RBFOX1: variants seen among roughly 807,000 people sequenced by gnomAD.
The protein encoded by RBFOX1 is RNA binding fox-1 homolog 1.
RBFOX1 carries 8 observed loss-of-function variants against 57.7 expected under a neutral mutation model. That is an observed-to-expected ratio of 0.14 (90% CI 0.08 to 0.25). RBFOX1 has a LOEUF of 0.25. RBFOX1 is among the 10% of genes least tolerant of loss of function. The pLI is 1.00. For synonymous variants in RBFOX1, 326 were observed against 222.4 expected, an observed-to-expected ratio of 1.47 and a Z score of -4.15; for missense variants, 611 against 548.5, an observed-to-expected ratio of 1.11 and a Z score of -1.14.
chr16:5,547,353 C>A (rs2045253154), intron 2 of RBFOX1, among the ~76,000 whole-genome samples: 1 of 152,192 alleles, frequency 6.6e-6, no homozygotes, highest in South Asian at 2.1e-4. Flanking sequence ...AGAAACCACC[C>A]AAATGTCTAT....
rs78865409 is a variant in RBFOX1, at chr16:6,697,239, G to A, written c.-16+42589G>A. Among the ~76,000 whole-genome samples the A allele has an allele frequency of 8.6e-3, 1,312 of 152,252 alleles. 7 individuals carry two copies. Among genetic ancestry groups the A allele is most frequent in the Non-Finnish European group, 0.014 (949 of 68,024 alleles). On this transcript the variant is annotated intron_variant, in intron 3 of 15. Coordinates refer to ENST00000550418, the MANE Select transcript of RBFOX1 (RefSeq NM_018723.4). ...GGTCACTGTAGTGGTAGCTGCAGTA[G>A]TGGACCAGGTTTTTAAATTTTCTGC...
intron 4 of RBFOX1, among the ~76,000 whole-genome samples, chr16:7,238,497 TC>T (rs2093889322): frequency 6.6e-6 from 1 of 150,532 alleles, no homozygotes; most frequent in Middle Eastern, 3.4e-3. Flanking sequence ...TAGTACTTTT[TC>T]CTAGGTTACT....
intron 3 of RBFOX1, among the ~76,000 whole-genome samples, chr16:7,018,815 C>G (rs539865611): frequency 6.6e-6 from 1 of 151,366 alleles, no homozygotes; most frequent in Non-Finnish European, 1.5e-5. Flanking sequence ...AATACAACGT[C>G]TACAGATTAA....
intron 2 of RBFOX1, among the ~76,000 whole-genome samples, chr16:5,569,579 A>G (rs2046208755): frequency 6.6e-6 from 1 of 150,504 alleles, no homozygotes. Context: ...TACCATCCCC[A>G]TTTCACAGAT....
At chr16:5,868,883 G>A (rs1461055973) in intron 4 of RBFOX1, among the ~76,000 whole-genome samples, 1 of 152,218 alleles carries the variant, frequency 6.6e-6, no homozygotes, top group Non-Finnish European at 1.5e-5. Flanking sequence ...GTGGTTTGCT[G>A]TCACGGGAAT....
At chr16:6,682,473 T>C (rs567301548) in intron 3 of RBFOX1, among the ~76,000 whole-genome samples, 2 of 152,272 alleles carry the variant, frequency 1.3e-5, no homozygotes, top group African/African-American at 2.4e-5. Context: ...ATTAATGACA[T>C]TGAATGTGCT....
At chr16:6,421,250 C>G (rs546700550) in intron 2 of RBFOX1, among the ~76,000 whole-genome samples, 1 of 152,198 alleles carries the variant, frequency 6.6e-6, no homozygotes, top group African/African-American at 2.4e-5. Flanking sequence ...CAGCCCGCAT[C>G]TCTGCTCTTC....
At chr16:7,052,609 C>T (rs4386154) in intron 4 of RBFOX1, among the ~76,000 whole-genome samples, 80,558 of 151,910 alleles carry the variant, frequency 0.53, 23,402 homozygotes, top group South Asian at 0.75. Context: ...AAATTTTAAA[C>T]CTTATATTCT....
At chr16:6,708,880 T>C (rs2063245004) in intron 3 of RBFOX1, among the ~76,000 whole-genome samples, 2 of 152,102 alleles carry the variant, frequency 1.3e-5, no homozygotes, top group South Asian at 4.1e-4. Flanking sequence ...GTTTGCTTGG[T>C]TTTCCTCTTC....
At chr16:6,768,649 T>C (rs2077768326) in intron 3 of RBFOX1, among the ~76,000 whole-genome samples, 1 of 151,580 alleles carries the variant, frequency 6.6e-6, no homozygotes, top group African/African-American at 2.4e-5. Flanking sequence ...TATATATTCA[T>C]TAGTATGCGT....
intron 4 of RBFOX1, among the ~76,000 whole-genome samples, chr16:5,974,107 G>T (rs1262028572): frequency 6.6e-6 from 1 of 152,208 alleles, no homozygotes; most frequent in Admixed American, 6.5e-5. Context: ...GCTCAGCCCA[G>T]TGAGAATAGA....
intron 4 of RBFOX1, among the ~76,000 whole-genome samples, chr16:7,431,055 C>G (rs1170019872): frequency 6.6e-6 from 1 of 152,184 alleles, no homozygotes; most frequent in Non-Finnish European, 1.5e-5. Flanking sequence ...CTCTGGCTTT[C>G]TACTAAGGCA....
At chr16:5,785,834 CT>C (rs2054482792) in intron 3 of RBFOX1, among the ~76,000 whole-genome samples, 1 of 152,102 alleles carries the variant, frequency 6.6e-6, no homozygotes, top group African/African-American at 2.4e-5. Flanking sequence ...GCCAAGATGT[CT>C]GCAACTTCCT....
intron 4 of RBFOX1, among the ~76,000 whole-genome samples, chr16:7,434,347 C>A (rs1026745088): frequency 2.6e-5 from 4 of 152,102 alleles, no homozygotes; most frequent in Non-Finnish European, 4.4e-5. Context: ...TGGCGGGCGC[C>A]AGTAGTCCCA....
intron 4 of RBFOX1, among the ~76,000 whole-genome samples, chr16:7,062,521 C>T (rs906793060): frequency 1.3e-5 from 2 of 152,034 alleles, no homozygotes; most frequent in African/African-American, 4.8e-5. Context: ...ACATTTCTGC[C>T]TATGGTAGCT....
chr16:6,540,095 C>T (rs923280227), intron 2 of RBFOX1, among the ~76,000 whole-genome samples: 8 of 152,060 alleles, frequency 5.3e-5, no homozygotes, highest in African/African-American at 1.7e-4. Context: ...AAGCAGGCTG[C>T]CCTCTGTCAG....
chr16:6,751,277 G>C (rs1048886384), intron 3 of RBFOX1, among the ~76,000 whole-genome samples: 2 of 152,158 alleles, frequency 1.3e-5, no homozygotes, highest in Non-Finnish European at 2.9e-5. Flanking sequence ...TGGGGAGTAG[G>C]TGGCTAAGGA....
intron 4 of RBFOX1, among the ~76,000 whole-genome samples, chr16:5,873,072 C>G (rs1353616128): frequency 6.6e-6 from 1 of 152,120 alleles, no homozygotes; most frequent in African/African-American, 2.4e-5. Context: ...ATAGCTTGAA[C>G]CCAGGAGGCA....
chr16:6,265,333 C>T (rs978506865), intron 1 of RBFOX1, among the ~76,000 whole-genome samples: 5 of 152,026 alleles, frequency 3.3e-5, no homozygotes, highest in Admixed American at 3.3e-4. Context: ...GCAGTCTCGG[C>T]TCACTACAAC....
Sources: gnomAD v4.1 joint callset for allele counts (sites outside exome capture counted in the v4.1 genomes callset) on GRCh38, gnomAD v4.1.1 for gene constraint, MANE v1.5 for transcripts, NCBI Gene and HGNC (gene_info 2026-07-23, HGNC 2026-07-21) for gene names.